Variants in HNF1B observed in about 807,000 individuals in gnomAD.
HNF1B encodes the protein HNF1 homeobox B.
A neutral mutation model predicts 61.7 loss-of-function variants in HNF1B; 8 were observed. The observed-to-expected ratio is 0.13, with a 90% CI of 0.08 to 0.23. HNF1B has a LOEUF of 0.23. Ranked by LOEUF, HNF1B falls within the 10% of genes least tolerant of loss-of-function variation. The pLI, the probability that HNF1B is intolerant of heterozygous loss-of-function variation, is 1.00. For synonymous variants in HNF1B, 314 were observed against 287.7 expected (o/e 1.09, Z -0.93); for missense variants, 562 against 714.5 (o/e 0.79, Z 2.43).
At chr17:37,693,415 G>T (rs1024462078) in intron 8 of HNF1B, among the ~76,000 whole-genome samples, 1 of 152,112 alleles carries the variant, frequency 6.6e-6, no homozygotes, top group African/African-American at 2.4e-5. Flanking sequence ...ACTGCCCAAG[G>T]TCACATACCA....
At chr17:37,728,863 C>T (rs2033595672) in intron 4 of HNF1B, 1 of 153,498 alleles carries the variant, frequency 6.5e-6, no homozygotes, top group South Asian at 2.1e-4. Flanking sequence ...ATCTCAGGCA[C>T]TAGCACAGCA....
At chr17:37,688,925 T>A (rs2032086965) in intron 8 of HNF1B, among the ~76,000 whole-genome samples, 1 of 152,034 alleles carries the variant, frequency 6.6e-6, no homozygotes, top group African/African-American at 2.4e-5. Flanking sequence ...GGCAGGTGGA[T>A]CACAAGGTCA....
chr17:37,731,371 G>A (rs1260324030), intron 4 of HNF1B: 1 of 661,534 alleles, frequency 1.5e-6, no homozygotes, highest in African/African-American at 1.8e-5. Flanking sequence ...GGGCTCCCTG[G>A]AAGCCGAGTG....
chr17:37,741,140 G>T (rs998986831), intron 1 of HNF1B, among the ~76,000 whole-genome samples: 2 of 152,106 alleles, frequency 1.3e-5, no homozygotes, highest in African/African-American at 2.4e-5. Context: ...AAAAGAAAAC[G>T]GTGTAGAGGC....
At chr17:37,721,858 T>C (rs991441973) in intron 4 of HNF1B, among the ~76,000 whole-genome samples, 17 of 152,154 alleles carry the variant, frequency 1.1e-4, no homozygotes, top group African/African-American at 3.9e-4. Flanking sequence ...GTGTTCCTTG[T>C]TGTCTACAAC....
intron 8 of HNF1B, among the ~76,000 whole-genome samples, chr17:37,696,710 C>T (rs7211959): frequency 0.025 from 3,788 of 152,234 alleles, 165 homozygotes; most frequent in African/African-American, 0.087. Context: ...AATCTGAACA[C>T]GCCAGAAATG....
chr17:37,741,456 A>G (rs1270534191), intron 1 of HNF1B, among the ~76,000 whole-genome samples: 4 of 152,248 alleles, frequency 2.6e-5, no homozygotes, highest in Admixed American at 6.5e-5. Context: ...AACAAGAAGA[A>G]CAAAAAATGA....
intron 8 of HNF1B, among the ~76,000 whole-genome samples, chr17:37,694,239 C>T (rs1673975260): frequency 1.3e-5 from 2 of 152,046 alleles, no homozygotes; most frequent in African/African-American, 4.8e-5. Flanking sequence ...ACCAGCCTGG[C>T]CAACATGGTG....
chr17:37,734,818 GCC>G (rs2033787657), intron 2 of HNF1B, among the ~76,000 whole-genome samples: 4 of 138,644 alleles, frequency 2.9e-5, no homozygotes, highest in African/African-American at 1.1e-4. Context: ...GACAGAGTTT[GCC>G]TCTTGTTGCC....
intron 4 of HNF1B, among the ~76,000 whole-genome samples, chr17:37,713,862 C>A (rs2033017583): frequency 1.3e-5 from 2 of 152,182 alleles, no homozygotes. Context: ...CTGTAATCAG[C>A]CAGCCATCTT....
intron 4 of HNF1B, among the ~76,000 whole-genome samples, chr17:37,726,657 G>T (rs1377357649): frequency 6.6e-6 from 1 of 152,196 alleles, no homozygotes; most frequent in African/African-American, 2.4e-5. Flanking sequence ...GCGAGAGGCA[G>T]GAGGCAGGAT....
At chr17:37,703,520 C>G (rs2060026938) in intron 6 of HNF1B, among the ~76,000 whole-genome samples, 1 of 152,064 alleles carries the variant, frequency 6.6e-6, no homozygotes, top group Non-Finnish European at 1.5e-5. Context: ...AGTGGAATAT[C>G]TTCCCCACGG....
At chr17:37,694,387 T>C (rs1045994405) in intron 8 of HNF1B, among the ~76,000 whole-genome samples, 1 of 140,316 alleles carries the variant, frequency 7.1e-6, no homozygotes, top group African/African-American at 2.6e-5. Context: ...GATCACACCA[T>C]TGTACTCCAG....
At chr17:37,726,807 G>C (rs187356404) in intron 4 of HNF1B, among the ~76,000 whole-genome samples, 1 of 152,240 alleles carries the variant, frequency 6.6e-6, no homozygotes, top group Non-Finnish European at 1.5e-5. Flanking sequence ...GCTATGGTTC[G>C]GGACCCCTGA....
At position 37,701,134 on chromosome 17, in the gene HNF1B, A is replaced by T. The variant is rs2032556996; in HGVS notation, c.1383T>A (p.Ser461Arg). The T allele has an allele frequency of 3.9e-6, 6 of 1,551,992 alleles. No individual in the cohort carries two copies. The highest frequency in any genetic ancestry group is 4.4e-6 in the Non-Finnish European group (5 of 1,147,546). The change falls in exon 7 of 9, where the codon AGT becomes AGA. Residue 461 changes from serine (S) to arginine (R), a missense_variant. Physicochemically the swap from Ser to Arg is moderately radical, Grantham distance 110. Around this residue, in one of 6 missense-constraint regions of HNF1B, gnomAD observed 211 missense variants for 200.7 expected, o/e 1.05. Coordinates refer to ENST00000617811, the MANE Select transcript of HNF1B (RefSeq NM_000458.4). ...SQAQSVPVINSVAGSLAALQP... is the reference protein window; with the variant it reads ...SQAQSVPVINRVAGSLAALQP... ...GCAGGGCTGCCAGGCTGCCGGCCACACTGTTGATGACAGGGACACTCTGTG... is the reference window on the plus strand; with the variant it reads ...GCAGGGCTGCCAGGCTGCCGGCCACTCTGTTGATGACAGGGACACTCTGTG...
chr17:37,735,553 T>C (rs962055222), intron 2 of HNF1B, among the ~76,000 whole-genome samples: 3 of 152,228 alleles, frequency 2.0e-5, no homozygotes, highest in African/African-American at 7.2e-5. Flanking sequence ...AATGCCACTA[T>C]AGACCTGAGA....
intron 4 of HNF1B, chr17:37,720,868 C>T (rs1466174100): frequency 1.1e-5 from 11 of 985,370 alleles, no homozygotes; most frequent in Middle Eastern, 5.2e-4. Context: ...GATGCAAACC[C>T]TCTAGTTCCC....
intron 6 of HNF1B, 48 bp from the exon 7 acceptor site, chr17:37,701,225 G>A: frequency 1.3e-6 from 2 of 1,519,622 alleles, no homozygotes; most frequent in South Asian, 1.2e-5. Flanking sequence ...GGGATAAGGA[G>A]AGGTGGATGG....
At chr17:37,740,136 A>C (rs1054268511) in intron 1 of HNF1B, among the ~76,000 whole-genome samples, 3 of 151,774 alleles carry the variant, frequency 2.0e-5, no homozygotes, top group African/African-American at 7.3e-5. Context: ...ACCCAGCTAA[A>C]TTTTTTATTT....
Sources: allele counts gnomAD v4.1 joint callset (sites outside exome capture counted in the v4.1 genomes callset), GRCh38; gene constraint gnomAD v4.1.1; regional missense constraint gnomAD v4.1.1; transcripts MANE v1.5; gene names NCBI Gene and HGNC (gene_info 2026-07-23, HGNC 2026-07-21).